The following TPX2 variants were observed in gnomAD, a reference collection of about 807,000 sequenced individuals.
TPX2 encodes the protein TPX2 microtubule nucleation factor.
A neutral mutation model predicts 93.6 loss-of-function variants in TPX2; 21 were observed. The ratio of observed to expected loss-of-function variants is 0.22; its 90% CI spans 0.16 to 0.32. The LOEUF (loss-of-function observed/expected upper bound fraction) is 0.32. TPX2 is among the 10% of genes least tolerant of loss of function. The probability of loss-of-function intolerance (pLI) is 1.00; values close to 1 mark genes in which losing one functional copy is unlikely to be tolerated. For synonymous variants in TPX2, 281 were observed against 298.3 expected, an observed-to-expected ratio of 0.94 and a Z score of 0.60; for missense variants, 776 against 871.1, an observed-to-expected ratio of 0.89 and a Z score of 1.37.
At chr20:31,755,662 G>T (rs1395747262) in intron 2 of TPX2, among the ~76,000 whole-genome samples, 1 of 151,870 alleles carries the variant, frequency 6.6e-6, no homozygotes, top group Non-Finnish European at 1.5e-5. Flanking sequence ...ACTAGAGACT[G>T]AGGCAGGAGA....
In TPX2 at chr20:31,798,346, T is replaced by C; in HGVS notation, c.1946-19T>C. On this transcript the variant is annotated intron_variant, in intron 16 of 17. Coordinates refer to ENST00000300403, the MANE Select transcript of TPX2 (RefSeq NM_012112.5). ...AAGTCCTGCTTGTGCACCAATATTT[T>C]TTCTGTTTCTGTACTTAGAGGGCCT... 6.2e-7 allele frequency: 1 copy of C among 1,613,904 alleles called. No homozygotes were observed. Among genetic ancestry groups the C allele is most frequent in the Non-Finnish European group, 8.5e-7 (1 of 1,179,966 alleles).
At chr20:31,751,794 G>A (rs1326837940) in intron 2 of TPX2, among the ~76,000 whole-genome samples, 1 of 152,182 alleles carries the variant, frequency 6.6e-6, no homozygotes, top group African/African-American at 2.4e-5. Context: ...CCAGGCTGGA[G>A]TGCAATGGCG....
At chr20:31,766,506 A>C in intron 4 of TPX2, 50 bp from the exon 5 acceptor site, 3 of 1,533,826 alleles carry the variant, frequency 2.0e-6, no homozygotes, top group Non-Finnish European at 1.8e-6. Flanking sequence ...TCTCATCTCC[A>C]ATTATTTTCC....
intron 5 of TPX2, among the ~76,000 whole-genome samples, chr20:31,768,624 A>G (rs532620075): frequency 6.6e-6 from 1 of 152,200 alleles, no homozygotes; most frequent in African/African-American, 2.4e-5. Context: ...ATTCAGGCAC[A>G]TTTATCTAAT....
intron 3 of TPX2, among the ~76,000 whole-genome samples, chr20:31,759,620 G>A (rs1045642730): frequency 1.3e-5 from 2 of 151,816 alleles, no homozygotes; most frequent in Non-Finnish European, 2.9e-5. Flanking sequence ...AGACAGTCTC[G>A]ATCTCCTGAC....
intron 5 of TPX2, among the ~76,000 whole-genome samples, chr20:31,767,257 T>G (rs749743471): frequency 2.3e-4 from 35 of 152,352 alleles, no homozygotes; most frequent in Middle Eastern, 3.4e-3. Context: ...CAAGTTTATT[T>G]CAGAGCCAAG....
intron 10 of TPX2, chr20:31,780,821 T>A: frequency 3.8e-6 from 1 of 260,004 alleles, no homozygotes. Context: ...TCCATTTGAT[T>A]TTCTGTAAGA....
intron 2 of TPX2, among the ~76,000 whole-genome samples, chr20:31,745,043 C>A (rs532921410): frequency 1.3e-5 from 2 of 152,086 alleles, no homozygotes; most frequent in South Asian, 4.1e-4. Flanking sequence ...GCCGAGATCG[C>A]GCCATTGCAC....
chr20:31,785,933 C>T (rs2062063394), intron 12 of TPX2, among the ~76,000 whole-genome samples: 1 of 152,130 alleles, frequency 6.6e-6, no homozygotes, highest in African/African-American at 2.4e-5. Flanking sequence ...TTTTAAAAAT[C>T]AACTCACTTT....
At chr20:31,740,439 C>T (rs1036061245) in intron 1 of TPX2, among the ~76,000 whole-genome samples, 1 of 152,116 alleles carries the variant, frequency 6.6e-6, no homozygotes, top group Non-Finnish European at 1.5e-5. Flanking sequence ...TTACATCACC[C>T]CCACGTCAGA....
At chr20:31,783,339 C>T (rs1337895556) in intron 11 of TPX2, among the ~76,000 whole-genome samples, 15 of 152,056 alleles carry the variant, frequency 9.9e-5, no homozygotes, top group Non-Finnish European at 4.4e-5. Flanking sequence ...CAACCTCCGC[C>T]TCCTGGGTTC....
chr20:31,775,386 A>T (rs1157699271), intron 7 of TPX2, among the ~76,000 whole-genome samples: 5 of 143,536 alleles, frequency 3.5e-5, no homozygotes, highest in South Asian at 4.5e-4. Context: ...TTATTTATTT[A>T]TTTTTTTTGA....
At position 31,781,253 on chromosome 20, in the gene TPX2, C is replaced by CTTTTTTTT. The variant is rs1007150417; in HGVS notation, c.1055-982_1055-975dup. ...CTTGGTCTTTAGGAAGGCCTTATAT[C>CTTTTTTTT]TTTTTTTTTTTTTTTTTTTTTGAGA... On this transcript the variant is annotated intron_variant, in intron 10 of 17. Transcript: ENST00000300403. 5.6e-4 allele frequency among the ~76,000 whole-genome samples: 65 copies of CTTTTTTTT among 116,766 alleles called. 1 individual carries two copies. The highest frequency in any genetic ancestry group is 2.1e-3 in the African/African-American group (58 of 27,468). 76.6% of individuals were successfully genotyped at this position (116,766 alleles called of 152,430 possible). A position where few individuals can be genotyped will look rare whatever the true frequency, so the allele number is the denominator to read the frequency against.
intron 2 of TPX2, among the ~76,000 whole-genome samples, chr20:31,754,940 A>G: frequency 6.6e-6 from 1 of 152,004 alleles, no homozygotes; most frequent in Non-Finnish European, 1.5e-5. Context: ...GTGTAGCATT[A>G]TAGGTTTATT....
intron 2 of TPX2, among the ~76,000 whole-genome samples, chr20:31,752,981 G>A (rs2061828922): frequency 6.6e-6 from 1 of 151,978 alleles, no homozygotes; most frequent in Non-Finnish European, 1.5e-5. Context: ...AACATTCAAG[G>A]GCACACAGCT....
rs774266568 is a variant in TPX2, at chr20:31,794,459, A to G, written c.1744A>G (p.Lys582Glu). The G allele has an allele frequency of 4.3e-6, 7 of 1,614,126 alleles. No individual in the cohort carries two copies. Among genetic ancestry groups the G allele is most frequent in the Non-Finnish European group, 5.1e-6 (6 of 1,180,042 alleles). ...TTTTGACACCATTAACCTGCCAGAG[A>G]AGAAGGTAAAGAATGTGACCCAGAT... ...PHFDTINLPE[K>E]KVKNVTQIEP... Residue 582 changes from lysine to glutamate, a missense_variant, in exon 15 of 18, where the codon AAG becomes GAG. By Grantham distance (56) the Lys-to-Glu change is moderately conservative (BLOSUM62 1). Coordinates refer to ENST00000300403, the MANE Select transcript of TPX2 (RefSeq NM_012112.5).
At chr20:31,745,815 C>T (rs1375988401) in intron 2 of TPX2, among the ~76,000 whole-genome samples, 1 of 152,190 alleles carries the variant, frequency 6.6e-6, no homozygotes, top group Non-Finnish European at 1.5e-5. Context: ...CTTTGGGTTT[C>T]TACTAAGATT....
rs115527921 is a variant in TPX2, at chr20:31,740,441, C to T, written c.-178+820C>T. Among the ~76,000 whole-genome samples the T allele has an allele frequency of 4.7e-3, 709 of 152,282 alleles. 10 individuals carry two copies. The highest frequency in any genetic ancestry group is 0.016 in the African/African-American group (657 of 41,548). On this transcript the variant is annotated intron_variant, in intron 1 of 17. Transcript: ENST00000300403. Reference sequence around the variant, plus strand: ...TGGCCTTAGTGTATTACATCACCCCCACGTCAGACTTGAGTCCCCCTGGTT... The same window carrying T: ...TGGCCTTAGTGTATTACATCACCCCTACGTCAGACTTGAGTCCCCCTGGTT...
At chr20:31,789,605 GCAAAAACAAA>G (rs1018025669) in intron 12 of TPX2, among the ~76,000 whole-genome samples, 1 of 149,722 alleles carries the variant, frequency 6.7e-6, no homozygotes, top group African/African-American at 2.5e-5. Flanking sequence ...ACTTAAAATA[GCAAAAACAAA>G]AAAAAACAAA....
Sources: allele counts gnomAD v4.1 joint callset (sites outside exome capture counted in the v4.1 genomes callset), GRCh38; gene constraint gnomAD v4.1.1; transcripts MANE v1.5; gene names NCBI Gene and HGNC (gene_info 2026-07-23, HGNC 2026-07-21).